The following NOS1 variants were observed in gnomAD, a reference collection of about 807,000 sequenced individuals.
NOS1 encodes nitric oxide synthase 1.
A neutral mutation model predicts 164.5 loss-of-function variants in NOS1; 51 were observed. That is an observed-to-expected ratio of 0.31 (90% CI 0.25 to 0.39). The LOEUF is 0.39. Among genes scored for constraint, NOS1 ranks in the 10% least tolerant of loss-of-function variants. NOS1 has a pLI of 1.00. For synonymous variants in NOS1, 719 were observed against 745.8 expected, an observed-to-expected ratio of 0.96 and a Z score of 0.59; for missense variants, 1,362 against 1,885.6, an observed-to-expected ratio of 0.72 and a Z score of 5.14.
At chr12:117,242,232 A>G (rs1870237653) in intron 20 of NOS1, among the ~76,000 whole-genome samples, 1 of 152,216 alleles carries the variant, frequency 6.6e-6, no homozygotes, top group Admixed American at 6.5e-5. Context: ...AAGAAATTTA[A>G]GCAGAGTGTG....
Position 117,243,710 on chromosome 12 carries a change from A to C in NOS1, c.2824-275T>G, listed in dbSNP as rs1449444618. The stretch of plus-strand genomic sequence containing the variant: ...TACTCTTCCATTCATCTACCCTTCC[A>C]CCCTCCCATCCATGTATCTATCTTT... On this transcript the variant is annotated intron_variant, in intron 18 of 28. Transcript: ENST00000317775. The surrounding 1 kb of genome is among the most constrained non-coding windows in gnomAD (Gnocchi z 4.3). Among the ~76,000 whole-genome samples, 1 of 146,968 alleles carries C rather than the reference A, an allele frequency of 6.8e-6. No homozygotes were observed. The highest frequency in any genetic ancestry group is 2.5e-5 in the African/African-American group (1 of 39,596).
chr12:117,285,409 G>C, intron 6 of NOS1, 77 bp from the exon 7 acceptor site: 1 of 903,724 alleles, frequency 1.1e-6, no homozygotes, highest in Non-Finnish European at 1.7e-6. Flanking sequence ...TCCCATTTTA[G>C]GAGAACCCAG....
intron 2 of NOS1, among the ~76,000 whole-genome samples, chr12:117,328,842 T>C (rs1566078369): frequency 6.6e-6 from 1 of 152,222 alleles, no homozygotes; most frequent in East Asian, 1.9e-4. Flanking sequence ...AATTCAGTGA[T>C]TGTGGGAACA....
At chr12:117,305,321 G>A (rs1044945787) in intron 3 of NOS1, among the ~76,000 whole-genome samples, 11 of 152,076 alleles carry the variant, frequency 7.2e-5, no homozygotes, top group African/African-American at 2.7e-4. Context: ...AAAATTAGCC[G>A]GACGTGGTGG....
chr12:117,290,987 C>A (rs755759173), intron 3 of NOS1, among the ~76,000 whole-genome samples: 18 of 152,000 alleles, frequency 1.2e-4, no homozygotes, highest in Non-Finnish European at 2.4e-4. Flanking sequence ...CCGAGGTGGG[C>A]GGATCACTTG....
At chr12:117,297,712 A>G (rs1209958910) in intron 3 of NOS1, among the ~76,000 whole-genome samples, 6 of 152,182 alleles carry the variant, frequency 3.9e-5, no homozygotes, top group Non-Finnish European at 8.8e-5. Context: ...TTTTTAGCAG[A>G]CACTAGGAAG....
intron 3 of NOS1, among the ~76,000 whole-genome samples, chr12:117,294,272 G>T (rs1475733308): frequency 1.3e-5 from 2 of 152,274 alleles, no homozygotes; most frequent in South Asian, 2.1e-4. Context: ...AGGGTGGGGG[G>T]CCAGGCGTGA....
In NOS1 at chr12:117,286,385, A is replaced by T. The variant is rs993694762; in HGVS notation, c.1128-119T>A. 1.1e-5 allele frequency: 12 copies of T among 1,051,252 alleles called. No homozygotes were observed. In the African/African-American group the frequency reaches 1.8e-4, roughly 15 times the overall value. 65.1% of individuals were successfully genotyped at this position (1,051,252 alleles called of 1,614,324 possible). On this transcript the variant is annotated intron_variant, in intron 5 of 28. Coordinates refer to ENST00000317775, the MANE Select transcript of NOS1 (RefSeq NM_000620.5). ...CAAAAAATTCCAAGTTGATTTCTGG[A>T]TGCAACAGTTTGATTTCTGGATGCA...
chr12:117,245,293 C>G (rs1870534325), intron 18 of NOS1, among the ~76,000 whole-genome samples: 1 of 152,134 alleles, frequency 6.6e-6, no homozygotes, highest in Admixed American at 6.5e-5. Context: ...CCACCTCCCA[C>G]CCCAGAATGG....
intron 2 of NOS1, among the ~76,000 whole-genome samples, chr12:117,314,091 A>G (rs541685286): frequency 3.3e-4 from 50 of 152,322 alleles, no homozygotes; most frequent in Admixed American, 6.5e-4. Flanking sequence ...TGAGCCACCC[A>G]GATCCCCTGC....
chr12:117,311,694 A>G, intron 2 of NOS1, 102 bp from the exon 3 acceptor site: 2 of 1,248,336 alleles, frequency 1.6e-6, no homozygotes, highest in Non-Finnish European at 2.2e-6. Context: ...TCAGTAGCTC[A>G]CTCACATAAC....
chr12:117,280,860 G>A lies in NOS1; in HGVS notation c.1389C>T (p.Ala463=). Residue 463 remains alanine (A), a synonymous_variant, in exon 8 of 29, where the codon GCC becomes GCT. Coordinates refer to ENST00000317775, the MANE Select transcript of NOS1 (RefSeq NM_000620.5). The stretch of plus-strand genomic sequence containing the variant: ...CTGTCCTCTGGGGGAATATGGTGAT[G>A]GCAGACCTGTGGTGGAGAGAGGGGA... The part of the protein sequence containing the change: ...YATNKGNLRS[A]ITIFPQRTDG... 2 of 1,614,004 alleles carry A rather than the reference G, an allele frequency of 1.2e-6. No individual in the cohort carries two copies. Among genetic ancestry groups the A allele is most frequent in the Admixed American group, 3.3e-5 (2 of 60,016 alleles).
intron 2 of NOS1, among the ~76,000 whole-genome samples, chr12:117,327,658 A>G (rs920120762): frequency 6.6e-6 from 1 of 152,206 alleles, no homozygotes; most frequent in Non-Finnish European, 1.5e-5. Context: ...TTCCCCACGC[A>G]TGCATCTACC....
At chr12:117,273,310 T>C (rs1410073476) in intron 9 of NOS1, among the ~76,000 whole-genome samples, 1 of 152,190 alleles carries the variant, frequency 6.6e-6, no homozygotes, top group Non-Finnish European at 1.5e-5. Context: ...CTGTGTTGGA[T>C]GAGCCAATAA....
At chr12:117,352,032 G>A (rs1431228195) in intron 1 of NOS1, among the ~76,000 whole-genome samples, 1 of 152,136 alleles carries the variant, frequency 6.6e-6, no homozygotes, top group African/African-American at 2.4e-5. Context: ...AATTAGCCAG[G>A]TGTGGTGGTG....
chr12:117,336,640 TAAAA>T (rs1409586657), intron 1 of NOS1, among the ~76,000 whole-genome samples: 1 of 151,792 alleles, frequency 6.6e-6, no homozygotes. Context: ...CCTATTGAAA[TAAAA>T]AAATTTAAAA....
Position 117,215,054 on chromosome 12 carries a change from G to A in NOS1, c.*255C>T, listed in dbSNP as rs1010059374. On this transcript the variant is annotated 3_prime_UTR_variant, in exon 29 of 29. Transcript: ENST00000317775. Reference sequence around the variant, plus strand: ...ACCCGTGAGTTGCCCTTGTCGGCAAGAGAGGGAGTGGGAACAGAGTTTTGT... The same window carrying A: ...ACCCGTGAGTTGCCCTTGTCGGCAAAAGAGGGAGTGGGAACAGAGTTTTGT... 15 of 1,202,098 alleles carry A rather than the reference G, an allele frequency of 1.2e-5. No individual in the cohort carries two copies. The highest frequency in any genetic ancestry group is 1.6e-5 in the African/African-American group (1 of 63,614). 74.5% of individuals were successfully genotyped at this position (1,202,098 alleles called of 1,614,324 possible).
chr12:117,272,673 T>C lies in NOS1; in HGVS notation c.1665-114A>G, dbSNP rs1162051135. 2.0e-6 allele frequency: 2 copies of C among 984,200 alleles called. No individual in the cohort carries two copies. Among genetic ancestry groups the C allele is most frequent in the East Asian group, 5.2e-5 (2 of 38,784 alleles). The allele number at this position is 984,200 out of a possible 1,614,324, so 61.0% of individuals were successfully genotyped here. A position where few individuals can be genotyped will look rare whatever the true frequency, so the allele number is the denominator to read the frequency against. On this transcript the variant is annotated intron_variant, in intron 9 of 28. Coordinates refer to ENST00000317775, the MANE Select transcript of NOS1 (RefSeq NM_000620.5). This position sits in a 1 kb window ranked among gnomAD's most constrained non-coding sequence, Gnocchi z 4.3. ...TGGACTGGGACTGACAAGGTCAGAA[T>C]ATGGTTCCTGGGCCCTGCTTCAGAT...
At chr12:117,342,652 T>A (rs1338705579) in intron 1 of NOS1, among the ~76,000 whole-genome samples, 1 of 152,180 alleles carries the variant, frequency 6.6e-6, no homozygotes, top group African/African-American at 2.4e-5. Context: ...AATTTTGGAC[T>A]TTATTCTTAG....
Sources: gnomAD v4.1 joint callset for allele counts (sites outside exome capture counted in the v4.1 genomes callset) on GRCh38, gnomAD v4.1.1 for gene constraint, Gnocchi (gnomAD v3.1) non-coding constraint, MANE v1.5 for transcripts, NCBI Gene and HGNC (gene_info 2026-07-23, HGNC 2026-07-21) for gene names.